DLG2: variants seen among roughly 807,000 people sequenced by gnomAD.
DLG2 encodes the protein disks large homolog 2.
DLG2 carries 45 observed loss-of-function variants against 132.5 expected under a neutral mutation model. That is an observed-to-expected ratio of 0.34 (90% confidence interval 0.27 to 0.44). DLG2 has a LOEUF of 0.44. DLG2 is among the 20% of genes least tolerant of loss of function. DLG2 has a pLI of 1.00. For synonymous variants in DLG2, 424 were observed against 419.6 expected, an observed-to-expected ratio of 1.01 and a Z score of -0.13; for missense variants, 1,045 against 1,196.9, an observed-to-expected ratio of 0.87 and a Z score of 1.87.
At chr11:85,016,589 G>A (rs781741495) in intron 6 of DLG2, among the ~76,000 whole-genome samples, 20 of 152,032 alleles carry the variant, frequency 1.3e-4, no homozygotes, top group Non-Finnish European at 2.5e-4. Context: ...TCACACCTAG[G>A]AAATGAAGCT....
chr11:84,257,617 G>A (rs992264990), intron 7 of DLG2, among the ~76,000 whole-genome samples: 5 of 151,344 alleles, frequency 3.3e-5, no homozygotes, highest in African/African-American at 1.2e-4. Flanking sequence ...CAAGCAATCT[G>A]GCTCCAGAGC....
intron 3 of DLG2, among the ~76,000 whole-genome samples, chr11:85,433,692 G>C (rs1332069909): frequency 2.0e-5 from 3 of 152,142 alleles, no homozygotes; most frequent in Non-Finnish European, 2.9e-5. Flanking sequence ...CCTACAAAGA[G>C]ACTTAGACTC....
At chr11:83,826,808 G>A (rs933979162) in intron 17 of DLG2, among the ~76,000 whole-genome samples, 1 of 152,144 alleles carries the variant, frequency 6.6e-6, no homozygotes, top group Admixed American at 6.5e-5. Flanking sequence ...TTGAAGATGA[G>A]AGAAGAGAAG....
chr11:84,490,213 C>T (rs1206533943), intron 7 of DLG2, among the ~76,000 whole-genome samples: 1 of 152,050 alleles, frequency 6.6e-6, no homozygotes, highest in Non-Finnish European at 1.5e-5. Flanking sequence ...TATCTTACAG[C>T]ACTGTTGTGA....
chr11:85,564,599 T>C (rs1322336638), intron 3 of DLG2, among the ~76,000 whole-genome samples: 1 of 152,078 alleles, frequency 6.6e-6, no homozygotes, highest in Admixed American at 6.6e-5. Context: ...GTCTCTCTAC[T>C]CTGTTCCATT....
At chr11:84,485,835 C>A (rs2099149368) in intron 7 of DLG2, among the ~76,000 whole-genome samples, 1 of 152,028 alleles carries the variant, frequency 6.6e-6, no homozygotes, top group African/African-American at 2.4e-5. Context: ...TGCAGTAAAC[C>A]TGAAATCTCA....
At chr11:84,346,484 T>G (rs1179946866) in intron 7 of DLG2, among the ~76,000 whole-genome samples, 1 of 152,226 alleles carries the variant, frequency 6.6e-6, no homozygotes, top group East Asian at 1.9e-4. Context: ...TCAGCTAGCA[T>G]GTGATTAAGC....
intron 6 of DLG2, chr11:84,640,401 G>A (rs1169406224): frequency 2.5e-6 from 1 of 402,272 alleles, no homozygotes. Context: ...GGTATCTCAA[G>A]CCCAGAACGA....
At chr11:84,953,164 C>T (rs565280832) in intron 6 of DLG2, among the ~76,000 whole-genome samples, 16 of 152,198 alleles carry the variant, frequency 1.1e-4, no homozygotes, top group African/African-American at 2.9e-4. Context: ...ACAAACAAAT[C>T]GGTTCATGTC....
At chr11:83,753,386 GCACTCCAGCCTGGGTGA>G (rs1335334614) in intron 18 of DLG2, among the ~76,000 whole-genome samples, 1 of 152,044 alleles carries the variant, frequency 6.6e-6, no homozygotes, top group Non-Finnish European at 1.5e-5. Flanking sequence ...TTGTGCCACT[GCACTCCAGCCTGGGTGA>G]CACAGCAAGG....
intron 3 of DLG2, among the ~76,000 whole-genome samples, chr11:85,431,225 C>T (rs2091161969): frequency 6.6e-6 from 1 of 152,164 alleles, no homozygotes; most frequent in African/African-American, 2.4e-5. Context: ...CATGTTCTGT[C>T]ATTAGGACTG....
At chr11:85,047,909 C>T (rs1252682008) in intron 6 of DLG2, among the ~76,000 whole-genome samples, 1 of 151,814 alleles carries the variant, frequency 6.6e-6, no homozygotes, top group African/African-American at 2.4e-5. Flanking sequence ...GGTAAAAATA[C>T]AATTCTCACT....
intron 3 of DLG2, among the ~76,000 whole-genome samples, chr11:85,542,848 T>C (rs2076060608): frequency 6.6e-6 from 1 of 152,250 alleles, no homozygotes; most frequent in Admixed American, 6.5e-5. Flanking sequence ...CAGTCAATTA[T>C]ATCAATAAGA....
chr11:84,316,866 C>T (rs759354793), intron 7 of DLG2: 3 of 1,612,798 alleles, frequency 1.9e-6, no homozygotes, highest in African/African-American at 2.7e-5. Flanking sequence ...GTACAATGCT[C>T]CCCACAAGTC....
chr11:84,225,825 G>T (rs555709338), intron 8 of DLG2, among the ~76,000 whole-genome samples: 2 of 150,608 alleles, frequency 1.3e-5, no homozygotes, highest in African/African-American at 4.9e-5. Flanking sequence ...CCCCTGGGAT[G>T]GAGTCTTGCT....
intron 7 of DLG2, among the ~76,000 whole-genome samples, chr11:84,374,906 C>A (rs184730093): frequency 1.4e-3 from 207 of 152,266 alleles, no homozygotes; most frequent in Middle Eastern, 3.4e-3. Flanking sequence ...CCCCCTACTC[C>A]AATCACAGAG....
At chr11:83,590,812 A>G (rs1460728362) in intron 19 of DLG2, among the ~76,000 whole-genome samples, 1 of 152,178 alleles carries the variant, frequency 6.6e-6, no homozygotes, top group Admixed American at 6.5e-5. Flanking sequence ...AGGGGATATC[A>G]CCACCGATCT....
chr11:84,663,504 A>G (rs533474514), intron 6 of DLG2, among the ~76,000 whole-genome samples: 20 of 152,250 alleles, frequency 1.3e-4, no homozygotes, highest in Middle Eastern at 6.8e-3. Flanking sequence ...GAGTAGACAC[A>G]GAGCACAGCA....
intron 8 of DLG2, among the ~76,000 whole-genome samples, chr11:84,217,022 CTAAT>C (rs1380278180): frequency 6.6e-6 from 1 of 152,128 alleles, no homozygotes; most frequent in Non-Finnish European, 1.5e-5. Context: ...TTAAAAACCA[CTAAT>C]TGTCATTAGT....
Sources: allele counts gnomAD v4.1 joint callset (sites outside exome capture counted in the v4.1 genomes callset), GRCh38; gene constraint gnomAD v4.1.1; transcripts MANE v1.5; gene names NCBI Gene and HGNC (gene_info 2026-07-23, HGNC 2026-07-21).